SLC4A10: variants seen among roughly 807,000 people sequenced by gnomAD.
SLC4A10 encodes sodium-driven chloride bicarbonate exchanger.
Under a neutral mutation model 137.7 loss-of-function variants are expected in SLC4A10, and 42 were observed. That is an observed-to-expected ratio of 0.30 (90% CI 0.24 to 0.39). SLC4A10 has a LOEUF of 0.39. Ranked by LOEUF, SLC4A10 falls within the 10% of genes least tolerant of loss-of-function variation. The probability of loss-of-function intolerance (pLI) is 1.00; values close to 1 mark genes in which losing one functional copy is unlikely to be tolerated. For synonymous variants in SLC4A10, 474 were observed against 464.1 expected, an observed-to-expected ratio of 1.02 and a Z score of -0.27; for missense variants, 925 against 1,355.0, an observed-to-expected ratio of 0.68 and a Z score of 4.98.
chr2:161,728,396 G>A (rs1237596872), intron 1 of SLC4A10, among the ~76,000 whole-genome samples: 3 of 152,106 alleles, frequency 2.0e-5, no homozygotes, highest in African/African-American at 4.8e-5. Flanking sequence ...CCAACATGGT[G>A]AAACCCTGTC....
chr2:161,920,317 A>G (rs1234662416), intron 15 of SLC4A10, among the ~76,000 whole-genome samples: 1 of 152,218 alleles, frequency 6.6e-6, no homozygotes, highest in East Asian at 1.9e-4. Context: ...AGGCTGGGAT[A>G]GGGATCTATG....
chr2:161,636,876 A>G (rs968484358), intron 1 of SLC4A10, among the ~76,000 whole-genome samples: 2 of 149,204 alleles, frequency 1.3e-5, no homozygotes, highest in East Asian at 4.0e-4. Context: ...TTATTTTTTT[A>G]TTTTTATTTT....
chr2:161,807,970 A>T (rs1176903265), intron 3 of SLC4A10, among the ~76,000 whole-genome samples: 6 of 152,052 alleles, frequency 3.9e-5, no homozygotes, highest in Non-Finnish European at 7.4e-5. Context: ...TTTCATGAAG[A>T]TGTTAAGAAA....
At chr2:161,922,932 A>G (rs570219928) in intron 15 of SLC4A10, among the ~76,000 whole-genome samples, 7 of 152,342 alleles carry the variant, frequency 4.6e-5, no homozygotes, top group South Asian at 2.1e-4. Flanking sequence ...ATCACAAACC[A>G]TAACTGTTTA....
rs145274270 is a variant in SLC4A10 at position 161,677,564 on chromosome 2, T to G, written c.48+52998T>G. Reference sequence around the variant, plus strand: ...TTCCCTCGAAATATTCAGTTCATTATGGATTGGGAAGACACTCAGAGAGTT... The same window carrying G: ...TTCCCTCGAAATATTCAGTTCATTAGGGATTGGGAAGACACTCAGAGAGTT... On this transcript the variant is annotated intron_variant, in intron 1 of 26. Coordinates refer to ENST00000446997, the MANE Select transcript of SLC4A10 (RefSeq NM_001178015.2). Among the ~76,000 whole-genome samples, 380 of 152,362 alleles carry G rather than the reference T, an allele frequency of 2.5e-3. 3 individuals carry two copies. The highest frequency in any genetic ancestry group is 4.0e-3 in the Non-Finnish European group (273 of 68,032).
rs764160570 is a variant in SLC4A10, at chr2:161,944,737, G to C, written c.2103+1840G>C. 4.0e-5 allele frequency among the ~76,000 whole-genome samples: 6 copies of C among 151,618 alleles called. 1 individual carries two copies. Among genetic ancestry groups the C allele is most frequent in the Middle Eastern group, 6.3e-3 (2 of 316 alleles). On this transcript the variant is annotated intron_variant, in intron 16 of 26. Coordinates refer to ENST00000446997, the MANE Select transcript of SLC4A10 (RefSeq NM_001178015.2). ...TGACCAGAAACAGTCTTTATCACCA[G>C]AGGGAATACTATATAATGAAAACAA...
intron 1 of SLC4A10, among the ~76,000 whole-genome samples, chr2:161,769,138 C>A (rs1471600069): frequency 6.6e-6 from 1 of 151,902 alleles, no homozygotes; most frequent in Non-Finnish European, 1.5e-5. Flanking sequence ...CTTGTTTTAG[C>A]CGACTAACCA....
Position 161,892,579 on chromosome 2 carries a change from G to A in SLC4A10, c.1195-2100G>A, listed in dbSNP as rs16846180. Among the ~76,000 whole-genome samples the A allele has an allele frequency of 4.3e-4, 66 of 152,126 alleles. No individual in the cohort carries two copies. The East Asian group carries it at 0.011, about 26-fold the overall frequency. Reference sequence around the variant, plus strand: ...TTTCTAAAATGATCATTATTACTTAGCAGTTTGTATTGAGTATCAAACCAG... The same window carrying A: ...TTTCTAAAATGATCATTATTACTTAACAGTTTGTATTGAGTATCAAACCAG... On this transcript the variant is annotated intron_variant, in intron 10 of 26. Coordinates refer to ENST00000446997, the MANE Select transcript of SLC4A10 (RefSeq NM_001178015.2).
At chr2:161,919,477 A>G (rs1016239943) in intron 15 of SLC4A10, among the ~76,000 whole-genome samples, 2 of 152,060 alleles carry the variant, frequency 1.3e-5, no homozygotes, top group African/African-American at 4.8e-5. Flanking sequence ...TGGAGCCCAT[A>G]AAAACCCCAG....
intron 1 of SLC4A10, among the ~76,000 whole-genome samples, chr2:161,766,302 A>C (rs2125389852): frequency 6.6e-6 from 1 of 152,230 alleles, no homozygotes; most frequent in East Asian, 1.9e-4. Flanking sequence ...CTTTCCAACT[A>C]TTTAATGGAA....
At chr2:161,717,515 T>C (rs996739677) in intron 1 of SLC4A10, among the ~76,000 whole-genome samples, 4 of 152,216 alleles carry the variant, frequency 2.6e-5, no homozygotes, top group African/African-American at 9.6e-5. Context: ...TGTTGAACTT[T>C]ATCAAAGTCC....
chr2:161,689,700 G>T (rs755892915), intron 1 of SLC4A10, among the ~76,000 whole-genome samples: 37 of 152,134 alleles, frequency 2.4e-4, no homozygotes, highest in Admixed American at 4.6e-4. Flanking sequence ...GATCTTTCCA[G>T]ATGTTATATT....
At chr2:161,853,309 T>G (rs2059928904) in intron 4 of SLC4A10, among the ~76,000 whole-genome samples, 1 of 152,160 alleles carries the variant, frequency 6.6e-6, no homozygotes, top group Admixed American at 6.6e-5. Flanking sequence ...TTGTATTAAA[T>G]AGTGACTTAG....
chr2:161,839,691 G>T, intron 3 of SLC4A10, 98 bp from the exon 4 acceptor site: 1 of 1,369,576 alleles, frequency 7.3e-7, no homozygotes, highest in East Asian at 2.4e-5. Flanking sequence ...TTGGGGTGGT[G>T]CGAGCTTGGG....
chr2:161,928,546 A>G (rs988672030), intron 15 of SLC4A10, among the ~76,000 whole-genome samples: 4 of 150,778 alleles, frequency 2.7e-5, no homozygotes, highest in Non-Finnish European at 5.9e-5. Context: ...AAAAAGTATA[A>G]TATATAATAA....
At chr2:161,737,390 G>C (rs1057502402) in intron 1 of SLC4A10, among the ~76,000 whole-genome samples, 6 of 151,470 alleles carry the variant, frequency 4.0e-5, no homozygotes, top group African/African-American at 1.5e-4. Flanking sequence ...AAAGAAGAAA[G>C]CCTACTTTTT....
At chr2:161,865,963 G>T (rs2060715002) in intron 6 of SLC4A10, among the ~76,000 whole-genome samples, 1 of 151,716 alleles carries the variant, frequency 6.6e-6, no homozygotes, top group Non-Finnish European at 1.5e-5. Flanking sequence ...CAAAAAGATT[G>T]ACTTTTTTAA....
At chr2:161,646,596 T>A (rs759929899) in intron 1 of SLC4A10, among the ~76,000 whole-genome samples, 3 of 152,010 alleles carry the variant, frequency 2.0e-5, no homozygotes, top group Non-Finnish European at 2.9e-5. Flanking sequence ...TATCCTTGTA[T>A]AGCCTGTTAA....
At chr2:161,905,491 C>A in intron 14 of SLC4A10, 151 bp from the exon 15 acceptor site, 1 of 1,144,242 alleles carries the variant, frequency 8.7e-7, no homozygotes, top group Non-Finnish European at 1.2e-6. Flanking sequence ...TTGGGGACCC[C>A]TGCTTTAGAC....
Sources: allele counts gnomAD v4.1 joint callset (sites outside exome capture counted in the v4.1 genomes callset), GRCh38; gene constraint gnomAD v4.1.1; transcripts MANE v1.5; gene names NCBI Gene and HGNC (gene_info 2026-07-23, HGNC 2026-07-21).